Variants in GSAP observed in about 807,000 individuals in gnomAD.
GSAP encodes gamma-secretase activating protein.
In GSAP, 118 loss-of-function variants were observed where a neutral mutation model predicts 131.7. The ratio of observed to expected loss-of-function variants is 0.90; its 90% CI spans 0.77 to 1.04. The LOEUF (loss-of-function observed/expected upper bound fraction) is 1.04, where lower values mean the gene tolerates loss of function less well. GSAP is among the 50% of genes least tolerant of loss of function. The pLI is 0.00. For synonymous variants in GSAP, 381 were observed against 363.4 expected, an observed-to-expected ratio of 1.05 and a Z score of -0.55; for missense variants, 1,019 against 1,013.2, an observed-to-expected ratio of 1.01 and a Z score of -0.08.
At chr7:77,314,541 C>A in intron 26 of GSAP, 52 bp from the exon 27 acceptor site, 6 of 1,605,370 alleles carry the variant, frequency 3.7e-6, no homozygotes, top group Non-Finnish European at 5.1e-6. Flanking sequence ...TCTCCAGCAG[C>A]CCCCGGGGAA....
chr7:77,392,334 G>A (rs1195626680), intron 5 of GSAP, among the ~76,000 whole-genome samples: 1 of 152,034 alleles, frequency 6.6e-6, no homozygotes. Context: ...GATTCCCTGA[G>A]CTCAGGAGTT....
intron 18 of GSAP, chr7:77,351,493 G>C (rs537249780): frequency 2.0e-6 from 2 of 976,318 alleles, no homozygotes; most frequent in Non-Finnish European, 1.2e-6. Context: ...GATAAGCATA[G>C]ACTGATAGAT....
intron 5 of GSAP, among the ~76,000 whole-genome samples, 164 bp downstream of exon 5, chr7:77,396,818 A>AT (rs58361495): frequency 2.0e-5 from 3 of 151,740 alleles, no homozygotes; most frequent in African/African-American, 4.9e-5. Context: ...TGAAAAAAAA[A>AT]TTTTTTTTAA....
intron 12 of GSAP, 142 bp from the exon 13 acceptor site, chr7:77,362,802 G>T: frequency 1.7e-6 from 1 of 595,920 alleles, no homozygotes; most frequent in Non-Finnish European, 3.0e-6. Context: ...CCTAGAAGTG[G>T]TCTATTAACA....
At chr7:77,368,282 C>T (rs975304243) in intron 12 of GSAP, among the ~76,000 whole-genome samples, 38 of 152,176 alleles carry the variant, frequency 2.5e-4, no homozygotes, top group Admixed American at 1.5e-3. Context: ...CAGTTGAAGG[C>T]GCTGCATTTA....
rs551096727 is a variant in GSAP, at chr7:77,349,342, G to C, written c.1545+9C>G. ...TCTGTACTTTTGTTTCTTGCTGTAA[G>C]GGACCTACCTTCATAAGAGGCAATG... On this transcript the variant is annotated intron_variant, in intron 19 of 30. Transcript: ENST00000257626. The C allele has an allele frequency of 1.2e-4, 190 of 1,598,852 alleles. 1 individual carries two copies. In the South Asian group the frequency reaches 2.0e-3, roughly 17 times the overall value.
chr7:77,324,620 G>A (rs1465105356), intron 23 of GSAP, among the ~76,000 whole-genome samples: 2 of 152,118 alleles, frequency 1.3e-5, no homozygotes, highest in Non-Finnish European at 1.5e-5. Context: ...TCTCATGCAT[G>A]TGCCAATTAA....
intron 2 of GSAP, among the ~76,000 whole-genome samples, chr7:77,405,532 T>TA (rs1165086374): frequency 4.1e-5 from 6 of 147,220 alleles, no homozygotes; most frequent in Non-Finnish European, 9.0e-5. Context: ...CATTTAATAT[T>TA]TAAAAAAATT....
intron 7 of GSAP, among the ~76,000 whole-genome samples, chr7:77,381,903 C>T (rs748986120): frequency 6.6e-6 from 1 of 151,184 alleles, no homozygotes; most frequent in Non-Finnish European, 1.5e-5. Context: ...CCATATTTAC[C>T]TTCTGCTGGT....
intron 22 of GSAP, among the ~76,000 whole-genome samples, chr7:77,327,723 T>C (rs116120363): frequency 0.013 from 1,916 of 152,246 alleles, 37 homozygotes; most frequent in African/African-American, 0.044. Context: ...ATGCTCAGCA[T>C]TCCCCTCCCC....
At chr7:77,415,341 C>G (rs888169021) in intron 1 of GSAP, among the ~76,000 whole-genome samples, 1 of 152,258 alleles carries the variant, frequency 6.6e-6, no homozygotes, top group African/African-American at 2.4e-5. Context: ...CAGCGCCCTA[C>G]ACACAAGGTG....
chr7:77,393,704 C>T (rs1376731675), intron 5 of GSAP, among the ~76,000 whole-genome samples: 2 of 145,566 alleles, frequency 1.4e-5, no homozygotes, highest in East Asian at 2.0e-4. Flanking sequence ...GACAGAGTCT[C>T]ACTGTGTCAC....
Position 77,355,545 on chromosome 7 carries a change from A to G in GSAP, c.1120+10T>C, listed in dbSNP as rs1267321391. On this transcript the variant is annotated intron_variant, in intron 15 of 30. Coordinates refer to ENST00000257626, the MANE Select transcript of GSAP (RefSeq NM_017439.4). The stretch of plus-strand genomic sequence containing the variant: ...GGGCCACCTCTACAAGAGAAAAACT[A>G]TAGCCGTACCTGTCAGAAAGAGATT... The G allele has an allele frequency of 1.9e-6, 3 of 1,594,680 alleles. No individual in the cohort carries two copies. Among genetic ancestry groups the G allele is most frequent in the African/African-American group, 2.7e-5 (2 of 74,532 alleles).
chr7:77,329,684 A>G (rs918045598), intron 20 of GSAP: 3 of 209,388 alleles, frequency 1.4e-5, no homozygotes, highest in African/African-American at 2.3e-5. Context: ...CTCAGTGCTT[A>G]TATCTTACCT....
intron 5 of GSAP, among the ~76,000 whole-genome samples, chr7:77,395,775 G>C (rs1308236683): frequency 6.6e-6 from 1 of 152,096 alleles, no homozygotes; most frequent in African/African-American, 2.4e-5. Flanking sequence ...AAGTACAAAG[G>C]GTTTTTCCAT....
chr7:77,362,449 C>T (rs1236078638), intron 13 of GSAP, 134 bp downstream of exon 13: 23 of 610,002 alleles, frequency 3.8e-5, no homozygotes, highest in East Asian at 3.6e-4. Context: ...TTCATGCCAC[C>T]GCATTCCAGC....
chr7:77,407,084 A>G (rs1012364884), intron 1 of GSAP, among the ~76,000 whole-genome samples: 1 of 152,198 alleles, frequency 6.6e-6, no homozygotes, highest in African/African-American at 2.4e-5. Context: ...ACCACACACC[A>G]AGTCGGATTT....
At position 77,355,377 on chromosome 7, in the gene GSAP, C is replaced by G; in HGVS notation, c.1174G>C (p.Gly392Arg). The change falls in exon 16 of 31, where the codon GGG becomes CGG. Residue 392 changes from glycine to arginine, a missense_variant. Gly to Arg is a moderately radical substitution (Grantham distance 125). Transcript: ENST00000257626. ...GAACAACAATCCAATACCAGGGACC[C>G]TGACAATGACTGTAAAGGGCAATGA... is the stretch of plus-strand genomic sequence containing the variant. ...LPHCPLQSLSGSLVLDCCSGK... is the reference protein window; with the variant it reads ...LPHCPLQSLSRSLVLDCCSGK... 1 of 1,612,924 alleles carries G rather than the reference C, an allele frequency of 6.2e-7. No homozygotes were observed. The highest frequency in any genetic ancestry group is 8.5e-7 in the Non-Finnish European group (1 of 1,179,522).
At chr7:77,331,956 C>T (rs1381881132) in intron 19 of GSAP, 1 of 151,516 alleles carries the variant, frequency 6.6e-6, no homozygotes, top group Middle Eastern at 3.4e-3. Context: ...AGGTCCCTGA[C>T]TGGAAGTCTC....
Sources: gnomAD v4.1 joint callset for allele counts (sites outside exome capture counted in the v4.1 genomes callset) on GRCh38, gnomAD v4.1.1 for gene constraint, MANE v1.5 for transcripts, NCBI Gene and HGNC (gene_info 2026-07-23, HGNC 2026-07-21) for gene names.